Variants in EIF2AK1 observed in about 807,000 individuals in gnomAD.
EIF2AK1 encodes eukaryotic translation initiation factor 2 alpha kinase 1.
A neutral mutation model predicts 77.9 loss-of-function variants in EIF2AK1; 54 were observed. The ratio of observed to expected loss-of-function variants is 0.69; its 90% CI spans 0.56 to 0.87. The LOEUF (loss-of-function observed/expected upper bound fraction) is 0.87. Ranked by LOEUF, EIF2AK1 falls within the 40% of genes least tolerant of loss-of-function variation. EIF2AK1 has a pLI of 0.00. For synonymous variants in EIF2AK1, 314 were observed against 290.5 expected (o/e 1.08, Z -0.82); for missense variants, 810 against 768.6 (o/e 1.05, Z -0.64).
chr7:6,036,794 A>C lies in EIF2AK1; in HGVS notation c.1332+630T>G, dbSNP rs1009400594. Among the ~76,000 whole-genome samples the C allele has an allele frequency of 1.3e-5, 2 of 152,210 alleles. No homozygotes were observed. The highest frequency in any genetic ancestry group is 2.4e-5 in the African/African-American group (1 of 41,456). On this transcript the variant is annotated intron_variant, in intron 11 of 14. Coordinates refer to ENST00000199389, the MANE Select transcript of EIF2AK1 (RefSeq NM_014413.4). The surrounding 1 kb of genome is among the most constrained non-coding windows in gnomAD (Gnocchi z 4.6). ...AATTATAGAAATAGAGTTTACCTCTAAGTCTGCAATAATAAATGAGCATTT... is the reference window on the plus strand; with the variant it reads ...AATTATAGAAATAGAGTTTACCTCTCAGTCTGCAATAATAAATGAGCATTT...
intron 14 of EIF2AK1, among the ~76,000 whole-genome samples, chr7:6,025,897 T>TA (rs1787732460): frequency 6.6e-6 from 1 of 150,922 alleles, no homozygotes; most frequent in Admixed American, 6.6e-5. Flanking sequence ...CCTCCCAAAA[T>TA]CCCATGCCTG....
At chr7:6,050,906 A>T (rs1050623637) in intron 2 of EIF2AK1, among the ~76,000 whole-genome samples, 6 of 151,992 alleles carry the variant, frequency 3.9e-5, no homozygotes, top group African/African-American at 1.5e-4. Flanking sequence ...CCCGGCCTAT[A>T]ATTACTTCTC....
chr7:6,055,526 C>A (rs852151), intron 1 of EIF2AK1, among the ~76,000 whole-genome samples: 20,163 of 151,762 alleles, frequency 0.13, 1,722 homozygotes, highest in East Asian at 0.33. Context: ...CTCAGAGAGG[C>A]TGAGGAACCA....
rs1473352483 is a variant in EIF2AK1, at chr7:6,032,969, T to C, written c.1333-3937A>G. On this transcript the variant is annotated intron_variant, in intron 11 of 14. Transcript: ENST00000199389. The surrounding 1 kb of genome is among the most constrained non-coding windows in gnomAD (Gnocchi z 4.3). ...AACTCCACCGAAAATCATTTCTTTT[T>C]TTTTCTTTTTTGTTTTGAGGCAGGG... is the stretch of plus-strand genomic sequence containing the variant. The C allele has an allele frequency of 1.3e-6, 2 of 1,528,100 alleles. No individual in the cohort carries two copies. Among genetic ancestry groups the C allele is most frequent in the South Asian group, 1.2e-5 (1 of 83,450 alleles). 94.7% of individuals were successfully genotyped at this position (1,528,100 alleles called of 1,614,324 possible).
chr7:6,046,349 G>T lies in EIF2AK1; in HGVS notation c.550-198C>A, dbSNP rs540605069. On this transcript the variant is annotated intron_variant, in intron 5 of 14. Coordinates refer to ENST00000199389, the MANE Select transcript of EIF2AK1 (RefSeq NM_014413.4). The stretch of plus-strand genomic sequence containing the variant: ...ATAGTGTTGGAAGTCTAGCTCCTAA[G>T]AAGCTCTAGGCTGAAGAACGGGAAT... 8.7e-6 allele frequency: 3 copies of T among 344,830 alleles called. No individual in the cohort carries two copies. The South Asian group carries it at 2.8e-4, about 32-fold the overall frequency. 21.4% of individuals were successfully genotyped at this position (344,830 alleles called of 1,614,324 possible).
In EIF2AK1 at chr7:6,024,351, A is replaced by C; in HGVS notation, c.*322T>G. ...CCCGGGCTTGGGCAGTGACGAGGGC[A>C]GGGAGCACACATCAATTTCTGCGGT... On this transcript the variant is annotated 3_prime_UTR_variant, in exon 15 of 15. Coordinates refer to ENST00000199389, the MANE Select transcript of EIF2AK1 (RefSeq NM_014413.4). 1 of 1,218,822 alleles carries C rather than the reference A, an allele frequency of 8.2e-7. No individual in the cohort carries two copies. Among genetic ancestry groups the C allele is most frequent in the Non-Finnish European group, 1.0e-6 (1 of 972,216 alleles). The allele number at this position is 1,218,822 out of a possible 1,614,324, so 75.5% of individuals were successfully genotyped here.
Position 6,059,152 on chromosome 7 carries a change from G to C in EIF2AK1, c.-69C>G. 2 of 1,097,900 alleles carry C rather than the reference G, an allele frequency of 1.8e-6. No homozygotes were observed. Among genetic ancestry groups the C allele is most frequent in the Non-Finnish European group, 2.4e-6 (2 of 834,482 alleles). 68.0% of individuals were successfully genotyped at this position (1,097,900 alleles called of 1,614,324 possible). ...AGCACTGCCACACTCCGATGCTGCAGCTAGCGCCGTCCGACCCGGAAGTAA... is the reference window on the plus strand; with the variant it reads ...AGCACTGCCACACTCCGATGCTGCACCTAGCGCCGTCCGACCCGGAAGTAA... On this transcript the variant is annotated 5_prime_UTR_variant, in exon 1 of 15. Coordinates refer to ENST00000199389, the MANE Select transcript of EIF2AK1 (RefSeq NM_014413.4).
chr7:6,023,622 T>G lies in EIF2AK1; in HGVS notation c.*1051A>C. Reference sequence around the variant, plus strand: ...GCTGCAGTGTGACAGTGCCAGCCAATGTGCAGAGGTGGATGAGGTCTTGTG... The same window carrying G: ...GCTGCAGTGTGACAGTGCCAGCCAAGGTGCAGAGGTGGATGAGGTCTTGTG... On this transcript the variant is annotated 3_prime_UTR_variant, in exon 15 of 15. Transcript: ENST00000199389. 1.9e-6 allele frequency: 3 copies of G among 1,614,122 alleles called. No individual in the cohort carries two copies. The highest frequency in any genetic ancestry group is 2.5e-6 in the Non-Finnish European group (3 of 1,179,998).
At chr7:6,058,920 G>T in intron 1 of EIF2AK1, 46 bp downstream of exon 1, 21 of 1,462,668 alleles carry the variant, frequency 1.4e-5, no homozygotes, top group Non-Finnish European at 1.9e-5. Context: ...AGAAACGCAG[G>T]TGGACAGAGA....
Position 6,059,075 on chromosome 7 carries a change from C to A in EIF2AK1, c.9G>T (p.Gly3=), listed in dbSNP as rs981576539. The A allele has an allele frequency of 6.5e-5, 92 of 1,416,130 alleles. No homozygotes were observed. Among genetic ancestry groups the A allele is most frequent in the Non-Finnish European group, 8.2e-5 (90 of 1,093,434 alleles). The allele number at this position is 1,416,130 out of a possible 1,614,324, so 87.7% of individuals were successfully genotyped here. A position where few individuals can be genotyped will look rare whatever the true frequency, so the allele number is the denominator to read the frequency against. The change falls in exon 1 of 15, where the codon GGG becomes GGT. Residue 3 remains glycine, a synonymous_variant. Coordinates refer to ENST00000199389, the MANE Select transcript of EIF2AK1 (RefSeq NM_014413.4). MQ[G]GNSGVRKREE... ...CGCGCTTGCGGACCCCGGAGTTGCC[C>A]CCCTGCATCGCCGGCCGCGCGCGGG...
Position 6,035,904 on chromosome 7 carries a change from A to G in EIF2AK1, c.1332+1520T>C, listed in dbSNP as rs935472134. The G allele has an allele frequency of 1.3e-6, 2 of 1,546,878 alleles. No individual in the cohort carries two copies. Among genetic ancestry groups the G allele is most frequent in the Non-Finnish European group, 1.7e-6 (2 of 1,144,596 alleles). On this transcript the variant is annotated intron_variant, in intron 11 of 14. Transcript: ENST00000199389. This position sits in a 1 kb window ranked among gnomAD's most constrained non-coding sequence, Gnocchi z 5.5. Reference sequence around the variant, plus strand: ...AGGCCGACTCCTCGGGGCGGGGGTCAGCTGCATCCGTCTGCTACTCACTCA... The same window carrying G: ...AGGCCGACTCCTCGGGGCGGGGGTCGGCTGCATCCGTCTGCTACTCACTCA...
At chr7:6,037,145 C>G (rs1311415572) in intron 11 of EIF2AK1, among the ~76,000 whole-genome samples, 2 of 151,726 alleles carry the variant, frequency 1.3e-5, no homozygotes, top group South Asian at 2.1e-4. Flanking sequence ...GTGGGAGGAT[C>G]GCTTGAGCCT....
chr7:6,048,973 C>A, intron 3 of EIF2AK1, 129 bp from the exon 4 acceptor site: 1 of 617,558 alleles, frequency 1.6e-6, no homozygotes, highest in Non-Finnish European at 2.8e-6. Flanking sequence ...CTGGCTTTTT[C>A]AGTATTACTT....
chr7:6,028,762 C>G, intron 12 of EIF2AK1, 65 bp from the exon 13 acceptor site: 1 of 1,526,392 alleles, frequency 6.6e-7, no homozygotes, highest in Non-Finnish European at 9.1e-7. Flanking sequence ...AGAACATTTA[C>G]TATGAGGAAG....
At chr7:6,053,753 C>T (rs1344563173) in intron 2 of EIF2AK1, among the ~76,000 whole-genome samples, 1 of 150,942 alleles carries the variant, frequency 6.6e-6, no homozygotes, top group African/African-American at 2.4e-5. Flanking sequence ...CTGCAACCTC[C>T]GCCACCCGGG....
rs910266506 is a variant in EIF2AK1, at chr7:6,032,241, T to C, written c.1333-3209A>G. Among the ~76,000 whole-genome samples, 19 of 152,248 alleles carry C rather than the reference T, an allele frequency of 1.2e-4. No individual in the cohort carries two copies. Among genetic ancestry groups the C allele is most frequent in the African/African-American group, 4.1e-4 (17 of 41,470 alleles). On this transcript the variant is annotated intron_variant, in intron 11 of 14. Transcript: ENST00000199389. The surrounding 1 kb of genome is among the most constrained non-coding windows in gnomAD (Gnocchi z 4.3). ...TACATTTTCATTTTCTAAATTTTTA[T>C]ACAATGATTATTACTTTTACAATTA... is the stretch of plus-strand genomic sequence containing the variant.
At position 6,027,027 on chromosome 7, in the gene EIF2AK1, G is replaced by C; in HGVS notation, c.1531-66C>G. The C allele has an allele frequency of 7.5e-7, 1 of 1,330,038 alleles. No individual in the cohort carries two copies. Among genetic ancestry groups the C allele is most frequent in the Non-Finnish European group, 1.1e-6 (1 of 933,446 alleles). 82.4% of individuals were successfully genotyped at this position (1,330,038 alleles called of 1,614,324 possible). A position where few individuals can be genotyped will look rare whatever the true frequency, so the allele number is the denominator to read the frequency against. ...AAGTTAGAAGAACGTTTCCATTTCCGTGTTCCACCCTCCAAACAGGAGAGG... is the reference window on the plus strand; with the variant it reads ...AAGTTAGAAGAACGTTTCCATTTCCCTGTTCCACCCTCCAAACAGGAGAGG... On this transcript the variant is annotated intron_variant, in intron 13 of 14. Transcript: ENST00000199389. This position sits in a 1 kb window ranked among gnomAD's most constrained non-coding sequence, Gnocchi z 4.5.
rs948445630 is a variant in EIF2AK1, at chr7:6,024,328, C to T, written c.*345G>A. Reference sequence around the variant, plus strand: ...ACAGTCCAGTGAGTATGTGCAGGCCCGGGCTTGGGCAGTGACGAGGGCAGG... The same window carrying T: ...ACAGTCCAGTGAGTATGTGCAGGCCTGGGCTTGGGCAGTGACGAGGGCAGG... On this transcript the variant is annotated 3_prime_UTR_variant, in exon 15 of 15. Transcript: ENST00000199389. The T allele has an allele frequency of 1.6e-5, 20 of 1,219,446 alleles. No individual in the cohort carries two copies. The highest frequency in any genetic ancestry group is 1.9e-5 in the Non-Finnish European group (18 of 964,308). The allele number at this position is 1,219,446 out of a possible 1,614,324, so 75.5% of individuals were successfully genotyped here. A position where few individuals can be genotyped will look rare whatever the true frequency, so the allele number is the denominator to read the frequency against.
intron 8 of EIF2AK1, 108 bp downstream of exon 8, chr7:6,042,825 C>T (rs1172536960): frequency 1.2e-6 from 1 of 849,612 alleles, no homozygotes; most frequent in Non-Finnish European, 1.9e-6. Context: ...AAGATTGTGC[C>T]ACTGCACTCT....
Sources: allele counts gnomAD v4.1 joint callset (sites outside exome capture counted in the v4.1 genomes callset), GRCh38; gene constraint gnomAD v4.1.1; non-coding constraint Gnocchi (gnomAD v3.1); transcripts MANE v1.5; gene names NCBI Gene and HGNC (gene_info 2026-07-23, HGNC 2026-07-21).